Variants in DMXL2 observed in about 807,000 individuals in gnomAD.
DMXL2 encodes dmX-like protein 2.
DMXL2 carries 103 observed loss-of-function variants against 331.1 expected under a neutral mutation model. That is an observed-to-expected ratio of 0.31 (90% CI 0.27 to 0.37). The LOEUF (loss-of-function observed/expected upper bound fraction) is 0.37, where lower values mean the gene tolerates loss of function less well. DMXL2 is among the 10% of genes least tolerant of loss of function. The probability of loss-of-function intolerance (pLI) is 1.00; values close to 1 mark genes in which losing one functional copy is unlikely to be tolerated. For missense variants in DMXL2, 3,171 were observed against 3,642.9 expected (o/e 0.87, Z 3.33); for synonymous variants, 1,281 against 1,252.1 (o/e 1.02, Z -0.49).
intron 15 of DMXL2, 96 bp downstream of exon 15, chr15:51,514,346 G>T: frequency 1.4e-6 from 1 of 696,338 alleles, no homozygotes; most frequent in Non-Finnish European, 2.3e-6. Context: ...CAAAAATTAT[G>T]AGAGTGGTAA....
In DMXL2 at chr15:51,517,104, T is replaced by C. The variant is rs1333409396; in HGVS notation, c.2500A>G (p.Ile834Val). Residue 834 changes from isoleucine (I) to valine (V), a missense_variant, in exon 14 of 44, where the codon ATT (isoleucine) becomes GTT (valine). By Grantham distance (29) the Ile-to-Val change is conservative. Transcript: ENST00000560891. The part of the protein sequence containing the change: ...QQSTARPGCI[I>V]ELDAITNQCG... Reference sequence around the variant, plus strand: ...TGGTTGGTTATTGCGTCGAGTTCAATAATGCAGCCAGGTCGAGCAGTAGAC... The same window carrying C: ...TGGTTGGTTATTGCGTCGAGTTCAACAATGCAGCCAGGTCGAGCAGTAGAC... 16 of 1,613,986 alleles carry C rather than the reference T, an allele frequency of 9.9e-6. No homozygotes were observed. Among genetic ancestry groups the C allele is most frequent in the South Asian group, 1.1e-5 (1 of 91,084 alleles).
chr15:51,463,456 G>A lies in DMXL2; in HGVS notation c.7849C>T (p.His2617Tyr), dbSNP rs759007051. The A allele has an allele frequency of 3.8e-6, 6 of 1,598,990 alleles. No individual in the cohort carries two copies. The highest frequency in any genetic ancestry group is 5.1e-6 in the Non-Finnish European group (6 of 1,175,232). The change falls in exon 33 of 44, where the codon CAT becomes TAT. Residue 2617 changes from histidine to tyrosine, a missense_variant. By Grantham distance (83) the His-to-Tyr change is moderately conservative. Transcript: ENST00000560891. ...AGGACCTCTTGTTTAACAAGGAAATGCCAAAGTCGTTTGACTGGAAATGCA... is the reference window on the plus strand; with the variant it reads ...AGGACCTCTTGTTTAACAAGGAAATACCAAAGTCGTTTGACTGGAAATGCA... Reference protein sequence around the residue: ...SSAFPVKRLWHFLVKQEVLQE... With the variant: ...SSAFPVKRLWYFLVKQEVLQE...
At chr15:51,530,385 A>G (rs1191178922) in intron 13 of DMXL2, among the ~76,000 whole-genome samples, 1 of 152,146 alleles carries the variant, frequency 6.6e-6, no homozygotes, top group East Asian at 1.9e-4. Context: ...AAGTTCCAGG[A>G]TATCAATCAA....
intron 6 of DMXL2, among the ~76,000 whole-genome samples, chr15:51,556,807 AG>A (rs2049624238): frequency 6.6e-6 from 1 of 152,196 alleles, no homozygotes; most frequent in Non-Finnish European, 1.5e-5. Context: ...CATTAGATGC[AG>A]AAAAAATGCT....
intron 1 of DMXL2, among the ~76,000 whole-genome samples, chr15:51,617,792 C>A (rs2054375996): frequency 6.6e-6 from 1 of 152,184 alleles, no homozygotes; most frequent in Admixed American, 6.5e-5. Flanking sequence ...TGGTCTCTGA[C>A]CTCCCATTTT....
At chr15:51,512,038 T>C (rs1023141553) in intron 15 of DMXL2, among the ~76,000 whole-genome samples, 1 of 151,526 alleles carries the variant, frequency 6.6e-6, no homozygotes, top group African/African-American at 2.4e-5. Context: ...CCAGGGCCTG[T>C]TGGGGGGTGG....
rs773121007 is a variant in DMXL2, at chr15:51,463,247, C to T, written c.7926+132G>A. 239 of 574,886 alleles carry T rather than the reference C, an allele frequency of 4.2e-4. 1 individual carries two copies. The highest frequency in any genetic ancestry group is 2.3e-3 in the Middle Eastern group (5 of 2,138). 35.6% of individuals were successfully genotyped at this position (574,886 alleles called of 1,614,324 possible). On this transcript the variant is annotated intron_variant, in intron 33 of 43. Coordinates refer to ENST00000560891, the MANE Select transcript of DMXL2 (RefSeq NM_001378457.1). ...AAGGTTTTATCTTAAAAGTAGTTCA[C>T]GGTAGTTTAGTGAACTTTGACTATT...
At chr15:51,485,296 C>A (rs1391825940) in intron 23 of DMXL2, among the ~76,000 whole-genome samples, 3 of 152,176 alleles carry the variant, frequency 2.0e-5, no homozygotes, top group Non-Finnish European at 2.9e-5. Flanking sequence ...CTCTCCAAGG[C>A]ACATGGTCAA....
intron 24 of DMXL2, 29 bp from the exon 25 acceptor site, chr15:51,480,168 A>G (rs755026569): frequency 5.4e-6 from 8 of 1,479,692 alleles, no homozygotes; most frequent in Non-Finnish European, 6.3e-6. Flanking sequence ...TATTTTTTTC[A>G]AAGTAGTTTA....
intron 13 of DMXL2, among the ~76,000 whole-genome samples, chr15:51,534,196 C>T (rs1183814450): frequency 1.3e-5 from 2 of 152,038 alleles, no homozygotes; most frequent in African/African-American, 4.8e-5. Context: ...AGAGAGGTCA[C>T]AATATTGCTA....
intron 33 of DMXL2, among the ~76,000 whole-genome samples, chr15:51,461,878 A>G (rs2140252380): frequency 1.3e-5 from 2 of 152,180 alleles, no homozygotes; most frequent in South Asian, 4.2e-4. Context: ...AGATTCCTAT[A>G]TTTTAGTTTA....
intron 1 of DMXL2, among the ~76,000 whole-genome samples, chr15:51,581,310 T>A (rs1056311691): frequency 6.6e-6 from 1 of 152,104 alleles, no homozygotes; most frequent in African/African-American, 2.4e-5. Flanking sequence ...CCCAAAACCA[T>A]CCCTCTCCTT....
intron 2 of DMXL2, among the ~76,000 whole-genome samples, chr15:51,569,381 G>A (rs2050508430): frequency 6.6e-6 from 1 of 152,152 alleles, no homozygotes; most frequent in South Asian, 2.1e-4. Flanking sequence ...CGTGGGGGAA[G>A]GGGCGGCTGC....
At chr15:51,594,940 G>T (rs1258049963) in intron 1 of DMXL2, among the ~76,000 whole-genome samples, 3 of 151,336 alleles carry the variant, frequency 2.0e-5, no homozygotes, top group Admixed American at 2.0e-4. Flanking sequence ...ATCTATGACG[G>T]TCTGTCATAT....
In DMXL2 at chr15:51,455,560, T is replaced by TA. The variant is rs533604582; in HGVS notation, c.8527-333dup. On this transcript the variant is annotated intron_variant, in intron 39 of 43. Transcript: ENST00000560891. The stretch of plus-strand genomic sequence containing the variant: ...ACTAGAGGCACATGCCTGGGCTTTT[T>TA]AAAAAAATTTTTGTAGGGATGTGGT... Among the ~76,000 whole-genome samples, 537 of 152,280 alleles carry TA rather than the reference T, an allele frequency of 3.5e-3. 2 individuals are homozygous for TA. The highest frequency in any genetic ancestry group is 6.0e-3 in the Non-Finnish European group (405 of 68,022).
chr15:51,491,540 T>C, intron 20 of DMXL2, 38 bp downstream of exon 20: 1 of 1,556,320 alleles, frequency 6.4e-7, no homozygotes, highest in Non-Finnish European at 8.6e-7. Context: ...GGAAAAGGTT[T>C]TTTTAATATA....
rs201396462 is a variant in DMXL2, at chr15:51,458,850, T to A, written c.7990-55A>T. The A allele has an allele frequency of 5.3e-4, 735 of 1,395,348 alleles. 8 individuals carry two copies. In the East Asian group the frequency reaches 0.015, roughly 28 times the overall value. 86.4% of individuals were successfully genotyped at this position (1,395,348 alleles called of 1,614,324 possible). ...GCTGCAGCACAGCTCTATTTAGAGT[T>A]ATGCACATCCCATAAGATTTAAATG... is the stretch of plus-strand genomic sequence containing the variant. On this transcript the variant is annotated intron_variant, in intron 34 of 43. Transcript: ENST00000560891.
chr15:51,620,576 T>C (rs755920898), intron 1 of DMXL2, among the ~76,000 whole-genome samples: 12 of 152,206 alleles, frequency 7.9e-5, no homozygotes, highest in Admixed American at 2.0e-4. Flanking sequence ...AAGAGTAATA[T>C]AGTAAAATGA....
chr15:51,465,751 C>G, intron 30 of DMXL2, 100 bp from the exon 31 acceptor site: 1 of 855,392 alleles, frequency 1.2e-6, no homozygotes, highest in Non-Finnish European at 1.8e-6. Context: ...CTCTCCAACC[C>G]AGAAAAAAAG....
Sources: gnomAD v4.1 joint callset for allele counts (sites outside exome capture counted in the v4.1 genomes callset) on GRCh38, gnomAD v4.1.1 for gene constraint, MANE v1.5 for transcripts, NCBI Gene and HGNC (gene_info 2026-07-23, HGNC 2026-07-21) for gene names.